FBXW10B: variants seen among roughly 807,000 people sequenced by gnomAD.
FBXW10B encodes the protein F-box and WD repeat domain containing protein 10B.
the FBXW10B span, chr17:15,565,665 G>A: frequency 1.2e-6 from 2 of 1,614,104 alleles, no homozygotes; most frequent in Admixed American, 1.7e-5. Context: ...CCACTCCAGT[G>A]GACTCCCTGG....
chr17:15,617,397 C>T, the FBXW10B span, among the ~76,000 whole-genome samples: 1 of 152,150 alleles, frequency 6.6e-6, no homozygotes, highest in Non-Finnish European at 1.5e-5. Flanking sequence ...TCTCCCACCT[C>T]TGCTTAAATC....
the FBXW10B span, among the ~76,000 whole-genome samples, chr17:15,604,079 C>CA: frequency 0.089 from 10,852 of 121,262 alleles, 1,656 homozygotes; most frequent in African/African-American, 0.32. Context: ...GACTCTATCT[C>CA]AAAAAAAAAA....
the FBXW10B span, chr17:15,593,516 A>G: frequency 6.2e-7 from 1 of 1,612,664 alleles, no homozygotes; most frequent in Non-Finnish European, 8.5e-7. Context: ...ACAGAGTAGC[A>G]GGCAGTACCC....
chr17:15,618,108 T>C, the FBXW10B span, among the ~76,000 whole-genome samples: 1 of 152,192 alleles, frequency 6.6e-6, no homozygotes, highest in Non-Finnish European at 1.5e-5. Flanking sequence ...GGCAGGCGGA[T>C]CACGAGGTCA....
At chr17:15,595,168 T>C in the FBXW10B span, among the ~76,000 whole-genome samples, 1 of 151,946 alleles carries the variant, frequency 6.6e-6, no homozygotes, top group African/African-American at 2.4e-5. Flanking sequence ...GGTGACACCC[T>C]GTCTCTACTA....
chr17:15,592,155 A>G, the FBXW10B span, among the ~76,000 whole-genome samples: 1 of 152,184 alleles, frequency 6.6e-6, no homozygotes, highest in Non-Finnish European at 1.5e-5. Flanking sequence ...AACTCTCTAG[A>G]AAAGTAACTT....
the FBXW10B span, among the ~76,000 whole-genome samples, chr17:15,611,533 G>C: frequency 3.9e-5 from 6 of 152,216 alleles, no homozygotes; most frequent in African/African-American, 1.4e-4. Context: ...CAGGTGAACT[G>C]TCCAGTCCAT....
At chr17:15,615,341 T>TTTTTTC in the FBXW10B span, among the ~76,000 whole-genome samples, 4 of 134,320 alleles carry the variant, frequency 3.0e-5, no homozygotes, top group Non-Finnish European at 6.2e-5. Flanking sequence ...TTTTTTTTTT[T>TTTTTTC]GAGACAGTCT....
At chr17:15,610,675 C>A in the FBXW10B span, among the ~76,000 whole-genome samples, 1 of 152,124 alleles carries the variant, frequency 6.6e-6, no homozygotes, top group Non-Finnish European at 1.5e-5. Flanking sequence ...AGAAAGGGAC[C>A]TGGAACTTAA....
At chr17:15,618,125 C>T in the FBXW10B span, among the ~76,000 whole-genome samples, 3 of 152,072 alleles carry the variant, frequency 2.0e-5, no homozygotes, top group East Asian at 1.9e-4. Context: ...GTCAGGAGTC[C>T]GAGACCAGCC....
chr17:15,603,812 C>A, the FBXW10B span, among the ~76,000 whole-genome samples: 2 of 149,244 alleles, frequency 1.3e-5, no homozygotes, highest in Non-Finnish European at 3.0e-5. Context: ...GTGGCTCACA[C>A]CTGTAATCCC....
chr17:15,618,111 C>T, the FBXW10B span, among the ~76,000 whole-genome samples: 2 of 152,120 alleles, frequency 1.3e-5, no homozygotes, highest in African/African-American at 2.4e-5. Flanking sequence ...AGGCGGATCA[C>T]GAGGTCAGGA....
At chr17:15,614,670 T>C in the FBXW10B span, among the ~76,000 whole-genome samples, 3 of 152,152 alleles carry the variant, frequency 2.0e-5, no homozygotes, top group African/African-American at 7.2e-5. Context: ...GGAATAAAAT[T>C]GGTAAAGTGT....
At chr17:15,566,067 A>T in the FBXW10B span, 1 of 1,606,546 alleles carries the variant, frequency 6.2e-7, no homozygotes, top group Non-Finnish European at 8.5e-7. Context: ...CATCTATAGG[A>T]GGATTGCTCA....
the FBXW10B span, among the ~76,000 whole-genome samples, chr17:15,579,146 A>T: frequency 6.9e-6 from 1 of 144,762 alleles, no homozygotes; most frequent in African/African-American, 2.9e-5. Flanking sequence ...CCCATTTCTT[A>T]AAATAAATAA....
At chr17:15,598,701 G>A in the FBXW10B span, 58 of 1,592,970 alleles carry the variant, frequency 3.6e-5, no homozygotes, top group African/African-American at 3.8e-4. Context: ...AGGGCCCAAA[G>A]GATCATACTG....
the FBXW10B span, among the ~76,000 whole-genome samples, chr17:15,607,872 G>A: frequency 3.4e-5 from 5 of 149,014 alleles, no homozygotes; most frequent in African/African-American, 1.3e-4. Context: ...GTTAGAAAAT[G>A]TTGGGTCAAG....
At chr17:15,591,643 T>C in the FBXW10B span, among the ~76,000 whole-genome samples, 30 of 152,214 alleles carry the variant, frequency 2.0e-4, no homozygotes, top group Non-Finnish European at 4.3e-4. Context: ...GCCATGTACC[T>C]AGGGTGCCAA....
At chr17:15,616,982 C>G in the FBXW10B span, among the ~76,000 whole-genome samples, 1 of 152,150 alleles carries the variant, frequency 6.6e-6, no homozygotes. Flanking sequence ...GCTGGCAGCA[C>G]TCACTCCAGA....
Sources: allele counts gnomAD v4.1 joint callset (sites outside exome capture counted in the v4.1 genomes callset), GRCh38; gene constraint gnomAD v4.1.1; transcripts MANE v1.5; gene names NCBI Gene and HGNC (gene_info 2026-07-23, HGNC 2026-07-21).